Variants in VWCE observed in about 807,000 individuals in gnomAD.
VWCE encodes the protein von Willebrand factor C and EGF domains, also known as von Willebrand factor C and EGF domain-containing protein.
In VWCE, 68 loss-of-function variants were observed where a neutral mutation model predicts 102.9. That is an observed-to-expected ratio of 0.66 (90% CI 0.54 to 0.81). The LOEUF (loss-of-function observed/expected upper bound fraction) is 0.81, where lower values mean the gene tolerates loss of function less well. VWCE is among the 30% of genes least tolerant of loss of function. The pLI is 0.00. For missense variants in VWCE, 1,137 were observed against 1,263.6 expected (o/e 0.90, Z 1.52); for synonymous variants, 497 against 515.4 (o/e 0.96, Z 0.48).
In VWCE at chr11:61,281,093, TG is replaced by T. The variant is rs1855114959; in HGVS notation, c.929del (p.Pro310GlnfsTer55). The T allele has an allele frequency of 6.2e-7, 1 of 1,609,980 alleles. No individual in the cohort carries two copies. The highest frequency in any genetic ancestry group is 8.5e-7 in the Non-Finnish European group (1 of 1,177,832). On this transcript the variant is annotated frameshift_variant, in exon 8 of 20. Transcript: ENST00000335613. LOFTEE classifies it high-confidence loss of function. The part of the protein sequence containing the change: ...HSPPSGAPGP[P>X]AGVRTTRLPS... The stretch of plus-strand genomic sequence containing the variant: ...GCAGGCGGGTGGTCCTGACTCCGGC[TG>T]GGGGCCCTGGAGCCCCAGAAGGAGG...
chr11:61,261,876 G>A (rs1854371183), intron 19 of VWCE, among the ~76,000 whole-genome samples: 1 of 152,080 alleles, frequency 6.6e-6, no homozygotes. Flanking sequence ...TTTCCTTAAA[G>A]GGAGCTCTTG....
In VWCE at chr11:61,268,999, C is replaced by A; in HGVS notation, c.1805G>T (p.Cys602Phe). ...CICQADGSVS[C>F]KRTDCVDSCP... The stretch of plus-strand genomic sequence containing the variant: ...GGAGTCCACACAGTCTGTCCTCTTG[C>A]AGCTCACCGAGCCATCTGCCTGGAG... Residue 602 changes from cysteine (C) to phenylalanine (F), a missense_variant, in exon 15 of 20, where the codon TGC becomes TTC. Cys to Phe is a radical substitution (Grantham distance 205). Around this residue, in one of 5 missense-constraint regions of VWCE, gnomAD observed 212 missense variants for 235.1 expected, o/e 0.90. Transcript: ENST00000335613. The A allele has an allele frequency of 1.2e-6, 2 of 1,614,094 alleles. No homozygotes were observed. Among genetic ancestry groups the A allele is most frequent in the Non-Finnish European group, 1.7e-6 (2 of 1,180,034 alleles).
chr11:61,264,060 C>A (rs970902334), intron 19 of VWCE, among the ~76,000 whole-genome samples: 1 of 151,538 alleles, frequency 6.6e-6, no homozygotes, highest in Non-Finnish European at 1.5e-5. Flanking sequence ...CCCATCTCTA[C>A]TAAAAATACA....
Position 61,280,631 on chromosome 11 carries a change from C to T in VWCE, c.1317G>A (p.Ser439=), listed in dbSNP as rs539285149. 14 of 1,613,888 alleles carry T rather than the reference C, an allele frequency of 8.7e-6. No homozygotes were observed. Among genetic ancestry groups the T allele is most frequent in the East Asian group, 2.2e-5 (1 of 44,866 alleles). Residue 439 remains serine, a synonymous_variant, in exon 9 of 20, where the codon TCG becomes TCA. Coordinates refer to ENST00000335613, the MANE Select transcript of VWCE (RefSeq NM_152718.2). ...IPSRDGGCCP[S]CTGCFHSGVV... Reference sequence around the variant, plus strand: ...CCTGGCACCAGCTCTCACCTGTGCACGATGGGCAGCACCCACCATCTCTGG... The same window carrying T: ...CCTGGCACCAGCTCTCACCTGTGCATGATGGGCAGCACCCACCATCTCTGG...
At position 61,295,030 on chromosome 11, in the gene VWCE, GC is replaced by G; in HGVS notation, c.7del (p.Ala3ProfsTer129). On this transcript the variant is annotated frameshift_variant, in exon 1 of 20. Transcript: ENST00000335613. LOFTEE classifies it high-confidence loss of function. The surrounding 1 kb of genome is among the most constrained non-coding windows in gnomAD (Gnocchi z 4.6). MW[A>X]GLLLRAACVA... ...ACAGGCGGCCCGAAGGAGCAGTCCG[GC>G]CCACATGACCGGCGGCGGCGGGTCC... The G allele has an allele frequency of 7.1e-7, 1 of 1,405,840 alleles. No individual in the cohort carries two copies. Among genetic ancestry groups the G allele is most frequent in the Non-Finnish European group, 9.3e-7 (1 of 1,076,956 alleles). The allele number at this position is 1,405,840 out of a possible 1,614,324, so 87.1% of individuals were successfully genotyped here.
chr11:61,293,771 C>T (rs1279913940), intron 1 of VWCE, among the ~76,000 whole-genome samples: 1 of 152,098 alleles, frequency 6.6e-6, no homozygotes, highest in Non-Finnish European at 1.5e-5. Flanking sequence ...AAAATCTGTG[C>T]CAAAATGTGA....
chr11:61,258,980 G>T lies in VWCE; in HGVS notation c.2563C>A (p.Pro855Thr), dbSNP rs143692001. The T allele has an allele frequency of 2.5e-6, 4 of 1,599,240 alleles. No individual in the cohort carries two copies. The African/African-American group carries it at 5.4e-5, about 22-fold the overall frequency. Residue 855 changes from proline to threonine, a missense_variant, in exon 20 of 20, where the codon CCC (proline) becomes ACC (threonine). Transcript: ENST00000335613. ...SPGPSTPPGA[P>T]TLPLASPGAP... Reference sequence around the variant, plus strand: ...CCTGGGGAAGCTAGAGGTAGAGTGGGGGCTCCTGGAGGGGTCGAAGGCCCT... The same window carrying T: ...CCTGGGGAAGCTAGAGGTAGAGTGGTGGCTCCTGGAGGGGTCGAAGGCCCT...
At position 61,264,512 on chromosome 11, in the gene VWCE, A is replaced by G; in HGVS notation, c.2205T>C (p.Pro735=). 1.9e-6 allele frequency: 3 copies of G among 1,613,720 alleles called. No homozygotes were observed. The South Asian group carries it at 3.3e-5, about 18-fold the overall frequency. Residue 735 remains proline (P), a synonymous_variant, in exon 19 of 20, where the codon CCT becomes CCC. Coordinates refer to ENST00000335613, the MANE Select transcript of VWCE (RefSeq NM_152718.2). The part of the protein sequence containing the change: ...QRACADPALL[P]GDCCSSCPDS... Reference sequence around the variant, plus strand: ...CTGGACAGGAAGAGCAGCAGTCCCCAGGAAGCAGGGCAGGGTCGGCACAGG... The same window carrying G: ...CTGGACAGGAAGAGCAGCAGTCCCCGGGAAGCAGGGCAGGGTCGGCACAGG...
chr11:61,274,348 T>A, intron 12 of VWCE, 151 bp downstream of exon 12: 1 of 649,350 alleles, frequency 1.5e-6, no homozygotes, highest in Admixed American at 2.8e-5. Flanking sequence ...TGGGAAGACC[T>A]GGGGGATCCC....
rs1854672886 is a variant in VWCE at position 61,270,904 on chromosome 11, T to A, written c.1785+771A>T. 2.0e-5 allele frequency among the ~76,000 whole-genome samples: 3 copies of A among 151,166 alleles called. No homozygotes were observed. In the South Asian group the frequency reaches 6.3e-4, roughly 32 times the overall value. Reference sequence around the variant, plus strand: ...ATGCAGTGATGTGATCACGGCTCACTGCAGCCTCGACCTCCTGGGTCAGCC... The same window carrying A: ...ATGCAGTGATGTGATCACGGCTCACAGCAGCCTCGACCTCCTGGGTCAGCC... On this transcript the variant is annotated intron_variant, in intron 14 of 19. Transcript: ENST00000335613.
At chr11:61,281,589 T>C (rs922046904) in intron 7 of VWCE, among the ~76,000 whole-genome samples, 197 bp downstream of exon 7, 1 of 150,580 alleles carries the variant, frequency 6.6e-6, no homozygotes, top group African/African-American at 2.4e-5. Context: ...CAAGATGAAC[T>C]CAAAACAAGG....
chr11:61,271,842 A>C (rs921449606), intron 13 of VWCE, 82 bp from the exon 14 acceptor site: 5 of 1,224,314 alleles, frequency 4.1e-6, no homozygotes, highest in Admixed American at 3.8e-5. Flanking sequence ...CATGCGCACA[A>C]ACACACACAG....
intron 4 of VWCE, 62 bp from the exon 5 acceptor site, chr11:61,286,492 T>C (rs1855331605): frequency 1.3e-6 from 2 of 1,515,892 alleles, no homozygotes; most frequent in African/African-American, 1.4e-5. Flanking sequence ...TACACATTTG[T>C]CAGTGTCTGG....
rs140877757 is a variant in VWCE, at chr11:61,271,741, G to A, written c.1719C>T (p.Asn573=). 144 of 1,613,304 alleles carry A rather than the reference G, an allele frequency of 8.9e-5. No homozygotes were observed. Among genetic ancestry groups the A allele is most frequent in the Non-Finnish European group, 1.1e-4 (129 of 1,179,728 alleles). The change falls in exon 14 of 20, where the codon AAC becomes AAT. Residue 573 remains asparagine (N), a synonymous_variant. Coordinates refer to ENST00000335613, the MANE Select transcript of VWCE (RefSeq NM_152718.2). ...TPSTGCSLDD[N]GVEFPIGQIW... is the part of the protein sequence containing the mutation. ...TCTGTCCAATCGGAAACTCAACCCCGTTGTCGTCAAGAGAGCAGCCTGGAT... is the reference window on the plus strand; with the variant it reads ...TCTGTCCAATCGGAAACTCAACCCCATTGTCGTCAAGAGAGCAGCCTGGAT...
Position 61,259,269 on chromosome 11 carries a change from G to T in VWCE, c.2274C>A (p.His758Gln). 2 of 1,605,364 alleles carry T rather than the reference G, an allele frequency of 1.2e-6. No individual in the cohort carries two copies. Among genetic ancestry groups the T allele is most frequent in the Non-Finnish European group, 1.7e-6 (2 of 1,174,420 alleles). The change falls in exon 20 of 20, where the codon CAC becomes CAA. Residue 758 changes from histidine (H) to glutamine (Q), a missense_variant. His to Gln is a conservative substitution (Grantham distance 24). Transcript: ENST00000335613. The part of the protein sequence containing the change: ...PLEEKQGLSP[H>Q]GNVAFSKAGR... ...CAGCTTTGCTGAATGCCACATTTCC[G>T]TGAGGGGAGAGCCCCTGCTTTTCTT...
At chr11:61,269,158 G>T in intron 14 of VWCE, 140 bp from the exon 15 acceptor site, 2 of 723,184 alleles carry the variant, frequency 2.8e-6, no homozygotes, top group African/African-American at 1.7e-5. Context: ...AAGATGGCAG[G>T]TCTCCCCTAA....
intron 5 of VWCE, 145 bp downstream of exon 5, chr11:61,286,169 T>G: frequency 2.5e-6 from 2 of 813,900 alleles, no homozygotes; most frequent in Non-Finnish European, 4.1e-6. Flanking sequence ...ACAGGAACCA[T>G]AATAGCATCT....
intron 12 of VWCE, 97 bp from the exon 13 acceptor site, chr11:61,273,413 C>G (rs1373238947): frequency 3.5e-6 from 4 of 1,156,630 alleles, no homozygotes; most frequent in Non-Finnish European, 4.9e-6. Context: ...CATCACCCTC[C>G]CGGCTACTCA....
At chr11:61,279,563 A>G (rs931685792) in intron 9 of VWCE, among the ~76,000 whole-genome samples, 7 of 151,904 alleles carry the variant, frequency 4.6e-5, no homozygotes, top group Admixed American at 1.3e-4. Flanking sequence ...CTCCATCTCA[A>G]AAAAAAACAA....
Sources: allele counts gnomAD v4.1 joint callset (sites outside exome capture counted in the v4.1 genomes callset), GRCh38; gene constraint gnomAD v4.1.1; regional missense constraint gnomAD v4.1.1; non-coding constraint Gnocchi (gnomAD v3.1); transcripts MANE v1.5; gene names NCBI Gene and HGNC (gene_info 2026-07-23, HGNC 2026-07-21).